Variants in CNTN3 observed in about 807,000 individuals in gnomAD.
CNTN3 encodes contactin 3.
CNTN3 carries 60 observed loss-of-function variants against 119.1 expected under a neutral mutation model. The ratio of observed to expected loss-of-function variants is 0.50; its 90% confidence interval spans 0.41 to 0.62. The LOEUF is 0.62. Ranked by LOEUF, CNTN3 falls within the 20% of genes least tolerant of loss-of-function variation. The pLI, the probability that CNTN3 is intolerant of heterozygous loss-of-function variation, is 0.00. For synonymous variants in CNTN3, 450 were observed against 438.7 expected, an observed-to-expected ratio of 1.03 and a Z score of -0.32; for missense variants, 1,101 against 1,242.4, an observed-to-expected ratio of 0.89 and a Z score of 1.71.
chr3:74,475,244 G>C (rs1421723902), intron 4 of CNTN3, among the ~76,000 whole-genome samples: 1 of 152,136 alleles, frequency 6.6e-6, no homozygotes, highest in Non-Finnish European at 1.5e-5. Context: ...AGAAAACGTA[G>C]AATTCTAGTT....
intron 5 of CNTN3, among the ~76,000 whole-genome samples, chr3:74,407,747 C>A (rs993763041): frequency 2.0e-5 from 3 of 151,926 alleles, no homozygotes; most frequent in Non-Finnish European, 4.4e-5. Context: ...ATCAATGTAG[C>A]AAAATTGCAC....
rs1049134166 is a variant in CNTN3 at position 74,301,272 on chromosome 3, A to T, written c.2095+126T>A. The T allele has an allele frequency of 1.1e-5, 11 of 960,362 alleles. No homozygotes were observed. In the Admixed American group the frequency reaches 1.2e-4, roughly 10 times the overall value. 59.5% of individuals were successfully genotyped at this position (960,362 alleles called of 1,614,324 possible). ...GCCATATGGCCAGTTCTGCCATTAG[A>T]AAGGTTAGATAACTGCAACAATGGA... is the stretch of plus-strand genomic sequence containing the variant. On this transcript the variant is annotated intron_variant, in intron 16 of 22. Coordinates refer to ENST00000263665, the MANE Select transcript of CNTN3 (RefSeq NM_020872.3).
At chr3:74,485,076 T>C (rs1702828195) in intron 4 of CNTN3, among the ~76,000 whole-genome samples, 1 of 152,138 alleles carries the variant, frequency 6.6e-6, no homozygotes, top group Non-Finnish European at 1.5e-5. Context: ...TTAACAACTA[T>C]ATGCACATAC....
chr3:74,475,142 T>TATGGGGTTAAGC (rs200370833), intron 4 of CNTN3, among the ~76,000 whole-genome samples: 333 of 152,308 alleles, frequency 2.2e-3, no homozygotes, highest in Middle Eastern at 0.01. Flanking sequence ...TCCCAGACCC[T>TATGGGGTTAAGC]AATACTCCTT....
intron 2 of CNTN3, among the ~76,000 whole-genome samples, chr3:74,520,602 A>G (rs748668876): frequency 9.2e-5 from 14 of 151,472 alleles, no homozygotes; most frequent in Non-Finnish European, 2.1e-4. Context: ...ATTTTCCAAA[A>G]TTAAAAAATA....
rs935464389 is a variant in CNTN3 at position 74,267,441 on chromosome 3, G to T, written c.2705-63C>A. ...AGTACAAGTGATATTTTACACGGAG[G>T]AGATGGCGGCTATCATAGGAAGCTA... is the stretch of plus-strand genomic sequence containing the variant. On this transcript the variant is annotated intron_variant, in intron 20 of 22. Transcript: ENST00000263665. The T allele has an allele frequency of 8.7e-6, 10 of 1,148,486 alleles. No homozygotes were observed. The Admixed American group carries it at 1.7e-4, about 20-fold the overall frequency. The allele number at this position is 1,148,486 out of a possible 1,614,324, so 71.1% of individuals were successfully genotyped here. A position where few individuals can be genotyped will look rare whatever the true frequency, so the allele number is the denominator to read the frequency against.
At chr3:74,503,093 G>C (rs144936042) in intron 2 of CNTN3, among the ~76,000 whole-genome samples, 182 of 152,156 alleles carry the variant, frequency 1.2e-3, no homozygotes, top group Non-Finnish European at 2.1e-3. Context: ...ACGTGGTTTG[G>C]CCTCCCCAGA....
chr3:74,461,910 C>A (rs531797452), intron 4 of CNTN3, among the ~76,000 whole-genome samples: 1 of 152,192 alleles, frequency 6.6e-6, no homozygotes, highest in African/African-American at 2.4e-5. Flanking sequence ...GCAAACTATG[C>A]CTCCTGATAT....
At chr3:74,588,864 C>T (rs557597545) in intron 1 of CNTN3, among the ~76,000 whole-genome samples, 53 of 152,216 alleles carry the variant, frequency 3.5e-4, no homozygotes, top group African/African-American at 1.3e-3. Flanking sequence ...GAAAGGATTC[C>T]CTATTTAATA....
intron 2 of CNTN3, among the ~76,000 whole-genome samples, chr3:74,507,688 G>C (rs1275898097): frequency 7.3e-6 from 1 of 137,262 alleles, no homozygotes; most frequent in East Asian, 2.2e-4. Context: ...CTGCAGTGCA[G>C]TGGCCCAATC....
intron 11 of CNTN3, among the ~76,000 whole-genome samples, chr3:74,358,013 TC>T (rs1360506870): frequency 6.6e-6 from 1 of 152,204 alleles, no homozygotes; most frequent in African/African-American, 2.4e-5. Context: ...TATGGGGCTT[TC>T]GTTGCCAAGT....
At chr3:74,435,122 C>T (rs986324839) in intron 4 of CNTN3, among the ~76,000 whole-genome samples, 2 of 152,144 alleles carry the variant, frequency 1.3e-5, no homozygotes, top group African/African-American at 4.8e-5. Flanking sequence ...TCTTTCTCTT[C>T]CCATTTATCT....
chr3:74,323,129 A>C (rs559844731), intron 13 of CNTN3, among the ~76,000 whole-genome samples: 24 of 152,282 alleles, frequency 1.6e-4, no homozygotes, highest in African/African-American at 5.5e-4. Context: ...ACTCCAATGT[A>C]AACTATTAAC....
At chr3:74,382,322 C>G (rs935361401) in intron 5 of CNTN3, among the ~76,000 whole-genome samples, 1 of 152,098 alleles carries the variant, frequency 6.6e-6, no homozygotes, top group Non-Finnish European at 1.5e-5. Context: ...ATGCTTAAAT[C>G]AAGTTAATTA....
intron 1 of CNTN3, among the ~76,000 whole-genome samples, chr3:74,553,987 T>C (rs1374692182): frequency 1.3e-5 from 2 of 152,232 alleles, no homozygotes; most frequent in Admixed American, 1.3e-4. Context: ...TATGAAGCTG[T>C]TGCCCATGCC....
intron 11 of CNTN3, among the ~76,000 whole-genome samples, chr3:74,356,157 C>A (rs1703929766): frequency 6.6e-6 from 1 of 152,060 alleles, no homozygotes; most frequent in Admixed American, 6.5e-5. Context: ...GATGCAGCAA[C>A]AAGGCCCCAT....
At chr3:74,557,794 T>C (rs1279022212) in intron 1 of CNTN3, among the ~76,000 whole-genome samples, 2 of 149,422 alleles carry the variant, frequency 1.3e-5, no homozygotes, top group Non-Finnish European at 1.5e-5. Context: ...AAGACAGAAA[T>C]AGTAACTGTC....
intron 5 of CNTN3, among the ~76,000 whole-genome samples, chr3:74,380,717 T>C (rs919218277): frequency 1.3e-5 from 2 of 152,160 alleles, no homozygotes; most frequent in African/African-American, 2.4e-5. Flanking sequence ...TTGCAAGTGA[T>C]ACAAAAGAAC....
chr3:74,494,703 T>G (rs1703028436), intron 3 of CNTN3, among the ~76,000 whole-genome samples: 1 of 152,120 alleles, frequency 6.6e-6, no homozygotes, highest in Admixed American at 6.6e-5. Flanking sequence ...ATTATTTGTT[T>G]TCCACCTTTT....
Sources: allele counts gnomAD v4.1 joint callset (sites outside exome capture counted in the v4.1 genomes callset), GRCh38; gene constraint gnomAD v4.1.1; transcripts MANE v1.5; gene names NCBI Gene and HGNC (gene_info 2026-07-23, HGNC 2026-07-21).